The following SYCP2L variants were observed in gnomAD, a reference collection of about 807,000 sequenced individuals.
SYCP2L encodes synaptonemal complex protein 2-like.
In SYCP2L, 98 loss-of-function variants were observed where a neutral mutation model predicts 125.8. The ratio of observed to expected loss-of-function variants is 0.78; its 90% CI spans 0.66 to 0.92. SYCP2L has a LOEUF of 0.92. SYCP2L is among the 40% of genes least tolerant of loss of function. The pLI is 0.00. For synonymous variants in SYCP2L, 317 were observed against 325.4 expected (o/e 0.97, Z 0.28); for missense variants, 842 against 936.4 (o/e 0.90, Z 1.32).
intron 21 of SYCP2L, among the ~76,000 whole-genome samples, chr6:10,938,888 A>G (rs564482663): frequency 5.6e-4 from 86 of 152,342 alleles, no homozygotes; most frequent in African/African-American, 1.9e-3. Flanking sequence ...TGGGACGCCA[A>G]GGCCGGAGGA....
At chr6:10,904,719 G>A (rs1780453300) in intron 8 of SYCP2L, among the ~76,000 whole-genome samples, 1 of 152,160 alleles carries the variant, frequency 6.6e-6, no homozygotes, top group Non-Finnish European at 1.5e-5. Flanking sequence ...ATTTCGCTCA[G>A]TGGTACTGTT....
chr6:10,923,416 T>C (rs1225760), intron 14 of SYCP2L, among the ~76,000 whole-genome samples: 126,310 of 128,440 alleles, frequency 0.98, 62,141 homozygotes, highest in East Asian at 1. Flanking sequence ...GATGGAGGCT[T>C]GCTCTGTCAC....
intron 25 of SYCP2L, 115 bp downstream of exon 25, chr6:10,956,357 A>C (rs58835563): frequency 0.24 from 196,086 of 802,048 alleles, 26,059 homozygotes; most frequent in East Asian, 0.46. Context: ...ATCTAAAAAA[A>C]GTTGAACTCA....
At chr6:10,959,962 G>A (rs1781570598) in intron 26 of SYCP2L, among the ~76,000 whole-genome samples, 1 of 152,056 alleles carries the variant, frequency 6.6e-6, no homozygotes, top group South Asian at 2.1e-4. Context: ...ACACCCTTAT[G>A]ACCATGTAAC....
intron 20 of SYCP2L, among the ~76,000 whole-genome samples, chr6:10,934,300 A>T (rs1781053811): frequency 6.6e-6 from 1 of 152,236 alleles, no homozygotes; most frequent in African/African-American, 2.4e-5. Flanking sequence ...CTCAATATAT[A>T]CTTTAAAAAT....
At chr6:10,932,761 A>T (rs192824793) in intron 20 of SYCP2L, among the ~76,000 whole-genome samples, 7,427 of 151,012 alleles carry the variant, frequency 0.049, 372 homozygotes, top group East Asian at 0.22. Context: ...TTCAAAAAAA[A>T]TTTTTTTTTT....
intron 4 of SYCP2L, among the ~76,000 whole-genome samples, 182 bp downstream of exon 4, chr6:10,894,386 A>T (rs1168511131): frequency 6.6e-6 from 1 of 152,254 alleles, no homozygotes; most frequent in Admixed American, 6.5e-5. Flanking sequence ...TTCCTGATGT[A>T]CCTGCTATAG....
chr6:10,970,081 G>C (rs938799268), intron 29 of SYCP2L, among the ~76,000 whole-genome samples: 33 of 152,158 alleles, frequency 2.2e-4, no homozygotes, highest in Non-Finnish European at 8.8e-5. Flanking sequence ...ATTCATGCCA[G>C]TGCTAAGAAG....
chr6:10,890,797 A>G (rs756610781), intron 1 of SYCP2L, among the ~76,000 whole-genome samples: 3 of 152,082 alleles, frequency 2.0e-5, no homozygotes, highest in Non-Finnish European at 4.4e-5. Context: ...CCTATATTTT[A>G]TTCTAGTAGT....
In SYCP2L at chr6:10,961,236, A is replaced by C; in HGVS notation, c.2256-69A>C. 5.7e-6 allele frequency: 7 copies of C among 1,219,336 alleles called. No individual in the cohort carries two copies. In the South Asian group the frequency reaches 8.8e-5, roughly 15 times the overall value. 75.5% of individuals were successfully genotyped at this position (1,219,336 alleles called of 1,614,324 possible). ...TCTGAAGTATCCTTGTAATCAGATG[A>C]CTTATTAAGAAAGTCTGCTGTCACA... On this transcript the variant is annotated intron_variant, in intron 26 of 29. Coordinates refer to ENST00000283141, the MANE Select transcript of SYCP2L (RefSeq NM_001040274.3).
At position 10,954,815 on chromosome 6, in the gene SYCP2L, T is replaced by A. The variant is rs1290659300; in HGVS notation, c.1955-301T>A. ...AGCTCAGAGCCCTGGAAGCGTTGCT[T>A]TTGATGTCTACCATTACTGCTTAAC... On this transcript the variant is annotated intron_variant, in intron 23 of 29. Transcript: ENST00000283141. This position sits in a 1 kb window ranked among gnomAD's most constrained non-coding sequence, Gnocchi z 4.8. 6.6e-6 allele frequency among the ~76,000 whole-genome samples: 1 copy of A among 152,170 alleles called. No homozygotes were observed. The highest frequency in any genetic ancestry group is 1.5e-5 in the Non-Finnish European group (1 of 68,034).
At chr6:10,917,393 A>G (rs760438386) in intron 14 of SYCP2L, among the ~76,000 whole-genome samples, 4 of 152,252 alleles carry the variant, frequency 2.6e-5, no homozygotes, top group Admixed American at 6.5e-5. Flanking sequence ...TTATCATTAC[A>G]TAATGTCCCT....
Position 10,904,916 on chromosome 6 carries a change from C to T in SYCP2L, c.642-1104C>T, listed in dbSNP as rs11961681. Reference sequence around the variant, plus strand: ...TTTGGGAGGCTGAGGCTAAGGTGGGCGGATCACTTGAGGTCAGGAGTTCGA... The same window carrying T: ...TTTGGGAGGCTGAGGCTAAGGTGGGTGGATCACTTGAGGTCAGGAGTTCGA... On this transcript the variant is annotated intron_variant, in intron 8 of 29. Transcript: ENST00000283141. 8.6e-3 allele frequency among the ~76,000 whole-genome samples: 1,300 copies of T among 151,738 alleles called. 29 individuals carry two copies. The highest frequency in any genetic ancestry group is 0.027 in the African/African-American group (1,120 of 41,378).
At position 10,942,446 on chromosome 6, in the gene SYCP2L, C is replaced by T. The variant is rs1452006916; in HGVS notation, c.1814-13C>T. ...TGGCGTGTATTCACTTGAAACTTCTCTCTAATGCTCAGAGCTTCAAGATCC... is the reference window on the plus strand; with the variant it reads ...TGGCGTGTATTCACTTGAAACTTCTTTCTAATGCTCAGAGCTTCAAGATCC... On this transcript the variant is annotated splice_polypyrimidine_tract_variant and intron_variant, in intron 21 of 29. Coordinates refer to ENST00000283141, the MANE Select transcript of SYCP2L (RefSeq NM_001040274.3). The T allele has an allele frequency of 1.3e-6, 2 of 1,545,364 alleles. No individual in the cohort carries two copies. Among genetic ancestry groups the T allele is most frequent in the African/African-American group, 2.8e-5 (2 of 71,792 alleles).
At chr6:10,902,130 C>G (rs771199001) in intron 6 of SYCP2L, among the ~76,000 whole-genome samples, 3 of 152,198 alleles carry the variant, frequency 2.0e-5, no homozygotes, top group Non-Finnish European at 2.9e-5. Flanking sequence ...TGGAACTGAT[C>G]GGTCTCACCC....
chr6:10,926,475 A>G (rs755023031), intron 16 of SYCP2L, 43 bp downstream of exon 16: 2 of 1,479,154 alleles, frequency 1.4e-6, no homozygotes, highest in Admixed American at 3.4e-5. Context: ...AGTTTTCTGT[A>G]AAAGCGATGA....
chr6:10,900,674 G>A (rs925413635), intron 6 of SYCP2L, among the ~76,000 whole-genome samples: 4 of 152,098 alleles, frequency 2.6e-5, no homozygotes, highest in African/African-American at 9.7e-5. Context: ...TCTTATAAGG[G>A]CACTCATCCC....
At chr6:10,894,706 A>C (rs1050196245) in intron 4 of SYCP2L, among the ~76,000 whole-genome samples, 2 of 144,258 alleles carry the variant, frequency 1.4e-5, no homozygotes, top group Non-Finnish European at 3.1e-5. Flanking sequence ...TTATTCTTTT[A>C]AAAATAATAA....
chr6:10,952,793 CTTTTTT>C (rs996607532), intron 23 of SYCP2L, among the ~76,000 whole-genome samples: 1 of 151,194 alleles, frequency 6.6e-6, no homozygotes, highest in Non-Finnish European at 1.5e-5. Context: ...TAATTGGGTT[CTTTTTT>C]TTTATTTTTA....
Sources: gnomAD v4.1 joint callset for allele counts (sites outside exome capture counted in the v4.1 genomes callset) on GRCh38, gnomAD v4.1.1 for gene constraint, Gnocchi (gnomAD v3.1) non-coding constraint, MANE v1.5 for transcripts, NCBI Gene and HGNC (gene_info 2026-07-23, HGNC 2026-07-21) for gene names.